The following TMC2 variants were observed in gnomAD, a reference collection of about 807,000 sequenced individuals.
TMC2 encodes transmembrane channel-like protein 2.
A neutral mutation model predicts 105.9 loss-of-function variants in TMC2; 102 were observed. The ratio of observed to expected loss-of-function variants is 0.96; its 90% CI spans 0.82 to 1.14. The LOEUF (loss-of-function observed/expected upper bound fraction) is 1.14, where lower values mean the gene tolerates loss of function less well. Ranked by LOEUF, TMC2 falls within the 50% of genes most tolerant of loss-of-function variation. The pLI is 0.00. For synonymous variants in TMC2, 402 were observed against 422.8 expected, an observed-to-expected ratio of 0.95 and a Z score of 0.60; for missense variants, 1,093 against 1,134.3, an observed-to-expected ratio of 0.96 and a Z score of 0.52.
chr20:2,610,273 C>G lies in TMC2; in HGVS notation c.1414-146C>G, dbSNP rs1197234026. 3 of 662,546 alleles carry G rather than the reference C, an allele frequency of 4.5e-6. No homozygotes were observed. In the East Asian group the frequency reaches 8.5e-5, roughly 19 times the overall value. 41.0% of individuals were successfully genotyped at this position (662,546 alleles called of 1,614,324 possible). A position where few individuals can be genotyped will look rare whatever the true frequency, so the allele number is the denominator to read the frequency against. ...TGTTGATGCCTTTGCCAGGGTCACA[C>G]AGCAAGCTGTGTAGACCCCAGGGCA... On this transcript the variant is annotated intron_variant, in intron 11 of 19. Coordinates refer to ENST00000358864, the MANE Select transcript of TMC2 (RefSeq NM_080751.3).
At chr20:2,614,397 G>T (rs553189749) in intron 14 of TMC2, among the ~76,000 whole-genome samples, 1 of 152,258 alleles carries the variant, frequency 6.6e-6, no homozygotes, top group African/African-American at 2.4e-5. Flanking sequence ...CTTGAGTCCA[G>T]GAGTTCAAGA....
At chr20:2,638,813 T>C (rs1009362035) in intron 19 of TMC2, among the ~76,000 whole-genome samples, 1 of 152,210 alleles carries the variant, frequency 6.6e-6, no homozygotes, top group Non-Finnish European at 1.5e-5. Flanking sequence ...GTGGTCAGTG[T>C]ATTTGTGTTT....
chr20:2,594,769 GTA>G (rs2086293190), intron 8 of TMC2, 54 bp from the exon 9 acceptor site: 25 of 1,574,142 alleles, frequency 1.6e-5, no homozygotes, highest in Non-Finnish European at 2.2e-5. Context: ...GACATGTCTG[GTA>G]ACCACCAGCT....
intron 11 of TMC2, among the ~76,000 whole-genome samples, chr20:2,609,264 G>T (rs989721515): frequency 6.6e-6 from 1 of 152,140 alleles, no homozygotes; most frequent in East Asian, 1.9e-4. Flanking sequence ...CCCAGCAGTG[G>T]ATTAGAGGCC....
intron 2 of TMC2, among the ~76,000 whole-genome samples, chr20:2,539,234 G>A (rs939296456): frequency 9.9e-5 from 15 of 152,174 alleles, no homozygotes; most frequent in Non-Finnish European, 2.1e-4. Context: ...ATTATGTGGA[G>A]TCTGTTGAAA....
At chr20:2,561,777 G>A (rs545261775) in intron 3 of TMC2, 81 bp from the exon 4 acceptor site, 1 of 1,499,178 alleles carries the variant, frequency 6.7e-7, no homozygotes, top group East Asian at 2.3e-5. Context: ...ATCTTCCATG[G>A]GCCCCTCCTC....
Sources: gnomAD v4.1 joint callset for allele counts (sites outside exome capture counted in the v4.1 genomes callset) on GRCh38, gnomAD v4.1.1 for gene constraint, MANE v1.5 for transcripts, NCBI Gene and HGNC (gene_info 2026-07-23, HGNC 2026-07-21) for gene names.